Variants in FAM171B observed in about 807,000 individuals in gnomAD.
FAM171B encodes family with sequence similarity 171 member B.
Under a neutral mutation model 75.6 loss-of-function variants are expected in FAM171B, and 19 were observed. The observed-to-expected ratio is 0.25, with a 90% confidence interval of 0.18 to 0.37. The LOEUF (loss-of-function observed/expected upper bound fraction) is 0.37. Among genes scored for constraint, FAM171B ranks in the 10% least tolerant of loss-of-function variants. The pLI, the probability that FAM171B is intolerant of heterozygous loss-of-function variation, is 1.00. For synonymous variants in FAM171B, 367 were observed against 361.7 expected (o/e 1.01, Z -0.17); for missense variants, 848 against 982.4 (o/e 0.86, Z 1.83).
At chr2:186,709,795 G>A (rs1446589428) in intron 1 of FAM171B, among the ~76,000 whole-genome samples, 1 of 152,202 alleles carries the variant, frequency 6.6e-6, no homozygotes, top group Admixed American at 6.5e-5. Flanking sequence ...CCACAAGGCA[G>A]TGAGTGATTT....
At chr2:186,736,538 C>CTGTGTGTGTG (rs10660120) in intron 1 of FAM171B, among the ~76,000 whole-genome samples, 480 of 122,764 alleles carry the variant, frequency 3.9e-3, no homozygotes, top group East Asian at 0.017. Flanking sequence ...ATGTTTGTGG[C>CTGTGTGTGTG]TGTGTGTGTG....
Position 186,736,788 on chromosome 2 carries a change from G to A in FAM171B, c.239-3440G>A, listed in dbSNP as rs557647394. Among the ~76,000 whole-genome samples the A allele has an allele frequency of 1.6e-4, 24 of 151,662 alleles. No individual in the cohort carries two copies. In the South Asian group the frequency reaches 2.5e-3, roughly 16 times the overall value. The stretch of plus-strand genomic sequence containing the variant: ...TTTAAGGTCCAGTTTAACAAAGAAC[G>A]GACAAGGTATAACAATATTTTGATA... On this transcript the variant is annotated intron_variant, in intron 1 of 7. Transcript: ENST00000304698.
chr2:186,749,387 C>T (rs1209680029), intron 4 of FAM171B, among the ~76,000 whole-genome samples: 1 of 152,156 alleles, frequency 6.6e-6, no homozygotes, highest in Non-Finnish European at 1.5e-5. Context: ...GAAGCAGGTA[C>T]TTCAGAAAGC....
rs552809376 is a variant in FAM171B at position 186,733,407 on chromosome 2, T to TC, written c.239-6816dup. Among the ~76,000 whole-genome samples the TC allele has an allele frequency of 2.6e-4, 39 of 152,296 alleles. No individual in the cohort carries two copies. The East Asian group carries it at 6.2e-3, about 24-fold the overall frequency. ...AGTTTATTTATTACTCAAATCAGTC[T>TC]CCCCCAAGAATTTGGAGGTTTTTCA... is the stretch of plus-strand genomic sequence containing the variant. On this transcript the variant is annotated intron_variant, in intron 1 of 7. Coordinates refer to ENST00000304698, the MANE Select transcript of FAM171B (RefSeq NM_177454.4).
At chr2:186,746,971 A>C in intron 3 of FAM171B, 121 bp from the exon 4 acceptor site, 1 of 696,422 alleles carries the variant, frequency 1.4e-6, no homozygotes, top group Non-Finnish European at 2.3e-6. Context: ...ATTACATGAG[A>C]AGATGCTAAT....
intron 1 of FAM171B, among the ~76,000 whole-genome samples, chr2:186,731,162 T>A (rs555774820): frequency 2.0e-4 from 30 of 152,336 alleles, no homozygotes; most frequent in African/African-American, 7.0e-4. Flanking sequence ...TATAAAATAG[T>A]GGCCTAGTAA....
intron 4 of FAM171B, among the ~76,000 whole-genome samples, chr2:186,749,241 CTTCTCA>C (rs1690415632): frequency 6.6e-6 from 1 of 152,022 alleles, no homozygotes; most frequent in African/African-American, 2.4e-5. Flanking sequence ...TTCTGTTCTC[CTTCTCA>C]TTGTTTTTTT....
intron 1 of FAM171B, among the ~76,000 whole-genome samples, chr2:186,697,551 C>A (rs182823286): frequency 3.3e-4 from 50 of 152,230 alleles, no homozygotes; most frequent in African/African-American, 1.2e-3. Context: ...TAATTCTTTA[C>A]CTGAGTATAC....
intron 4 of FAM171B, among the ~76,000 whole-genome samples, chr2:186,748,117 T>A (rs1690396384): frequency 6.6e-6 from 1 of 151,912 alleles, no homozygotes; most frequent in East Asian, 1.9e-4. Context: ...AGGGATGGGG[T>A]TTCGCCATGT....
At chr2:186,722,352 A>G (rs1689967884) in intron 1 of FAM171B, among the ~76,000 whole-genome samples, 1 of 152,164 alleles carries the variant, frequency 6.6e-6, no homozygotes, top group African/African-American at 2.4e-5. Flanking sequence ...ACAAGCCTGT[A>G]TACATTCTAA....
chr2:186,739,839 A>G (rs1212160842), intron 1 of FAM171B, among the ~76,000 whole-genome samples: 4 of 152,314 alleles, frequency 2.6e-5, no homozygotes, highest in African/African-American at 4.8e-5. Context: ...ACCTAATTAT[A>G]TATGCTATAC....
rs1023293398 is a variant in FAM171B, at chr2:186,738,085, G to A, written c.239-2143G>A. On this transcript the variant is annotated intron_variant, in intron 1 of 7. Coordinates refer to ENST00000304698, the MANE Select transcript of FAM171B (RefSeq NM_177454.4). ...CATGTTTAGAGATGCCAGTGATCAC[G>A]GAGCCCCAAGGGATGTTACAGCTCT... Among the ~76,000 whole-genome samples, 14 of 152,332 alleles carry A rather than the reference G, an allele frequency of 9.2e-5. No homozygotes were observed. The South Asian group carries it at 1.0e-3, about 11-fold the overall frequency.
Position 186,762,576 on chromosome 2 carries a change from G to A in FAM171B, c.2234G>A (p.Ser745Asn), listed in dbSNP as rs1282126584. The change falls in exon 8 of 8, where the codon AGC (serine) becomes AAC (asparagine). Residue 745 changes from serine to asparagine, a missense_variant. By Grantham distance (46) the Ser-to-Asn change is conservative. Transcript: ENST00000304698. This position sits in a 1 kb window ranked among gnomAD's most constrained non-coding sequence, Gnocchi z 4.0. ...ILYLEDLDLS[S>N]SESGTTVCSP... ...TACTTAGAAGATTTAGACCTAAGCA[G>A]CAGTGAGAGTGGAACCACCGTCTGT... 1 of 1,613,550 alleles carries A rather than the reference G, an allele frequency of 6.2e-7. No individual in the cohort carries two copies. The highest frequency in any genetic ancestry group is 1.1e-5 in the South Asian group (1 of 91,074).
At chr2:186,751,959 T>C (rs1365143920) in intron 5 of FAM171B, among the ~76,000 whole-genome samples, 1 of 152,204 alleles carries the variant, frequency 6.6e-6, no homozygotes, top group African/African-American at 2.4e-5. Context: ...ACAGTCTAGA[T>C]AGTTTCACAG....
At chr2:186,696,299 A>G (rs1689577155) in intron 1 of FAM171B, among the ~76,000 whole-genome samples, 3 of 151,804 alleles carry the variant, frequency 2.0e-5, no homozygotes, top group Non-Finnish European at 4.4e-5. Flanking sequence ...TTGCTGTTTT[A>G]GTTATTGGAA....
chr2:186,753,535 G>A (rs1690487116), intron 5 of FAM171B, among the ~76,000 whole-genome samples: 1 of 152,136 alleles, frequency 6.6e-6, no homozygotes, highest in African/African-American at 2.4e-5. Flanking sequence ...ATTCTAAGGT[G>A]AGTTTATTTC....
At position 186,762,564 on chromosome 2, in the gene FAM171B, T is replaced by C. The variant is rs1690634958; in HGVS notation, c.2222T>C (p.Leu741Ser). ...HQPKILYLED[L>S]DLSSSESGTT... Reference sequence around the variant, plus strand: ...CCCAAGATCCTTTACTTAGAAGATTTAGACCTAAGCAGCAGTGAGAGTGGA... The same window carrying C: ...CCCAAGATCCTTTACTTAGAAGATTCAGACCTAAGCAGCAGTGAGAGTGGA... Residue 741 changes from leucine to serine, a missense_variant, in exon 8 of 8, where the codon TTA becomes TCA. Physicochemically the swap from Leu to Ser is moderately radical, Grantham distance 145. Transcript: ENST00000304698. The surrounding 1 kb of genome is among the most constrained non-coding windows in gnomAD (Gnocchi z 4.0). The C allele has an allele frequency of 6.2e-7, 1 of 1,613,420 alleles. No individual in the cohort carries two copies. The highest frequency in any genetic ancestry group is 8.5e-7 in the Non-Finnish European group (1 of 1,179,710).
intron 6 of FAM171B, among the ~76,000 whole-genome samples, chr2:186,760,838 C>T (rs1214793895): frequency 6.6e-6 from 1 of 152,004 alleles, no homozygotes; most frequent in African/African-American, 2.4e-5. Flanking sequence ...ACTCTCTGGG[C>T]TATGCTATTC....
At chr2:186,730,612 C>T (rs1227617383) in intron 1 of FAM171B, among the ~76,000 whole-genome samples, 1 of 152,136 alleles carries the variant, frequency 6.6e-6, no homozygotes, top group African/African-American at 2.4e-5. Flanking sequence ...ATCATCAAGA[C>T]TTGACCTTTG....
Sources: allele counts gnomAD v4.1 joint callset (sites outside exome capture counted in the v4.1 genomes callset), GRCh38; gene constraint gnomAD v4.1.1; non-coding constraint Gnocchi (gnomAD v3.1); transcripts MANE v1.5; gene names NCBI Gene and HGNC (gene_info 2026-07-23, HGNC 2026-07-21).